Variants in CACNA2D3 observed in about 807,000 individuals in gnomAD.
CACNA2D3 encodes the protein calcium voltage-gated channel auxiliary subunit alpha2delta 3.
In CACNA2D3, 60 loss-of-function variants were observed where a neutral mutation model predicts 160.6. That is an observed-to-expected ratio of 0.37 (90% CI 0.30 to 0.46). The LOEUF is 0.46. Ranked by LOEUF, CACNA2D3 falls within the 20% of genes least tolerant of loss-of-function variation. The pLI is 1.00. For synonymous variants in CACNA2D3, 558 were observed against 492.9 expected, an observed-to-expected ratio of 1.13 and a Z score of -1.75; for missense variants, 1,205 against 1,365.0, an observed-to-expected ratio of 0.88 and a Z score of 1.85.
chr3:54,163,121 A>T (rs1355893930), intron 2 of CACNA2D3, among the ~76,000 whole-genome samples: 1 of 152,168 alleles, frequency 6.6e-6, no homozygotes, highest in African/African-American at 2.4e-5. Context: ...ATGAGGTTGG[A>T]GAAGCATCAA....
intron 4 of CACNA2D3, among the ~76,000 whole-genome samples, chr3:54,484,705 ATGG>A (rs1399227126): frequency 6.6e-6 from 1 of 152,226 alleles, no homozygotes; most frequent in Non-Finnish European, 1.5e-5. Context: ...GTAACTGGAA[ATGG>A]TGAAGTTATT....
At chr3:54,210,052 G>T (rs1452139891) in intron 2 of CACNA2D3, among the ~76,000 whole-genome samples, 1 of 152,148 alleles carries the variant, frequency 6.6e-6, no homozygotes, top group Non-Finnish European at 1.5e-5. Flanking sequence ...TCCATACCTT[G>T]ATGGGGCTTA....
At chr3:55,061,762 G>A (rs559516527) in intron 35 of CACNA2D3, among the ~76,000 whole-genome samples, 2 of 152,154 alleles carry the variant, frequency 1.3e-5, no homozygotes, top group African/African-American at 4.8e-5. Context: ...CTTAGGTTCA[G>A]TACCCATCTC....
chr3:54,824,429 T>C (rs2694113), intron 14 of CACNA2D3, among the ~76,000 whole-genome samples: 3,860 of 152,176 alleles, frequency 0.025, 159 homozygotes, highest in African/African-American at 0.085. Flanking sequence ...AAAAATGAAG[T>C]GGGGTGAGAA....
At chr3:54,734,687 T>C (rs1402685316) in intron 11 of CACNA2D3, among the ~76,000 whole-genome samples, 1 of 152,202 alleles carries the variant, frequency 6.6e-6, no homozygotes. Flanking sequence ...TGCTACATTG[T>C]CTTCCAGTTG....
chr3:54,528,400 AATGATG>A (rs1046211982), intron 5 of CACNA2D3, among the ~76,000 whole-genome samples: 11 of 146,802 alleles, frequency 7.5e-5, no homozygotes, highest in African/African-American at 2.8e-4. Context: ...ATGCTAATAA[AATGATG>A]ATGATGATGT....
intron 2 of CACNA2D3, among the ~76,000 whole-genome samples, chr3:54,208,230 T>C (rs1701306511): frequency 6.6e-6 from 1 of 152,128 alleles, no homozygotes; most frequent in Non-Finnish European, 1.5e-5. Flanking sequence ...CTTAACCTCC[T>C]GAGTAGCTGG....
chr3:54,336,442 T>C (rs971911417), intron 3 of CACNA2D3, among the ~76,000 whole-genome samples: 4 of 152,074 alleles, frequency 2.6e-5, no homozygotes, highest in African/African-American at 9.7e-5. Flanking sequence ...AGCCTATCAG[T>C]GGAATGCAGG....
intron 5 of CACNA2D3, among the ~76,000 whole-genome samples, chr3:54,525,325 C>T (rs576561285): frequency 4.6e-5 from 7 of 152,084 alleles, no homozygotes; most frequent in Admixed American, 3.9e-4. Flanking sequence ...ATAATATTGC[C>T]GTATACAATT....
chr3:54,814,709 C>T (rs1405320909), intron 13 of CACNA2D3, among the ~76,000 whole-genome samples: 1 of 152,176 alleles, frequency 6.6e-6, no homozygotes, highest in Non-Finnish European at 1.5e-5. Context: ...AAACTGAGGA[C>T]ATCACCACAA....
chr3:54,954,797 A>G (rs1053756755), intron 27 of CACNA2D3, among the ~76,000 whole-genome samples: 3 of 152,202 alleles, frequency 2.0e-5, no homozygotes, highest in African/African-American at 4.8e-5. Flanking sequence ...GGAATGCTTT[A>G]GCTGAGGGAA....
chr3:54,230,771 A>G (rs914296168), intron 2 of CACNA2D3, among the ~76,000 whole-genome samples: 3 of 152,260 alleles, frequency 2.0e-5, no homozygotes, highest in African/African-American at 7.2e-5. Context: ...ACAATATTTT[A>G]TATAGGTAGA....
chr3:54,960,113 A>G lies in CACNA2D3; in HGVS notation c.2450-8337A>G, dbSNP rs1406668615. ...AAAAACCAAAGTGATTATGAAAGAA[A>G]TGTGTGGCCAAATGGATCAGGCCTT... On this transcript the variant is annotated intron_variant, in intron 27 of 37. Transcript: ENST00000474759. 2.6e-5 allele frequency among the ~76,000 whole-genome samples: 4 copies of G among 152,100 alleles called. No homozygotes were observed. The South Asian group carries it at 6.2e-4, about 24-fold the overall frequency.
intron 20 of CACNA2D3, 79 bp downstream of exon 20, chr3:54,879,490 G>A (rs762045974): frequency 9.8e-7 from 1 of 1,025,492 alleles, no homozygotes; most frequent in Admixed American, 2.2e-5. Flanking sequence ...CACTCTCAGA[G>A]CTCATCATCT....
At chr3:54,618,374 T>TATATATATATATACACAC in intron 9 of CACNA2D3, among the ~76,000 whole-genome samples, 4 of 54,580 alleles carry the variant, frequency 7.3e-5, no homozygotes, top group African/African-American at 2.3e-4. Context: ...TATATATATA[T>TATATATATATATACACAC]GCACACACAC....
intron 13 of CACNA2D3, among the ~76,000 whole-genome samples, chr3:54,766,357 C>G (rs1702223752): frequency 6.6e-6 from 1 of 152,036 alleles, no homozygotes; most frequent in African/African-American, 2.4e-5. Context: ...TAAAAAATGG[C>G]TTTTAAACAT....
chr3:54,471,352 A>G (rs527716966), intron 4 of CACNA2D3, among the ~76,000 whole-genome samples: 3 of 152,320 alleles, frequency 2.0e-5, no homozygotes, highest in Middle Eastern at 3.4e-3. Context: ...TTTGAAACCA[A>G]TAAGAACAAA....
intron 4 of CACNA2D3, among the ~76,000 whole-genome samples, chr3:54,460,701 T>C (rs1444211890): frequency 1.3e-5 from 2 of 152,200 alleles, no homozygotes; most frequent in Non-Finnish European, 1.5e-5. Flanking sequence ...TTTCTAGATA[T>C]ACAATCATGT....
intron 27 of CACNA2D3, among the ~76,000 whole-genome samples, chr3:54,903,231 A>T (rs888109827): frequency 3.3e-5 from 5 of 151,922 alleles, no homozygotes; most frequent in Non-Finnish European, 7.4e-5. Flanking sequence ...ATTAGGTCCT[A>T]GTGTGTGTTG....
Sources: allele counts gnomAD v4.1 joint callset (sites outside exome capture counted in the v4.1 genomes callset), GRCh38; gene constraint gnomAD v4.1.1; transcripts MANE v1.5; gene names NCBI Gene and HGNC (gene_info 2026-07-23, HGNC 2026-07-21).